Variants in ADAM18 observed in about 807,000 individuals in gnomAD.
ADAM18 encodes disintegrin and metalloproteinase domain-containing protein 18.
In ADAM18, 117 loss-of-function variants were observed where a neutral mutation model predicts 94.4. The observed-to-expected ratio is 1.24, with a 90% CI of 1.07 to 1.45. The LOEUF (loss-of-function observed/expected upper bound fraction) is 1.45. Ranked by LOEUF, ADAM18 falls within the 40% of genes most tolerant of loss-of-function variation. ADAM18 has a pLI of 0.00. For missense variants in ADAM18, 936 were observed against 880.0 expected (o/e 1.06, Z -0.81); for synonymous variants, 327 against 291.6 (o/e 1.12, Z -1.24).
intron 16 of ADAM18, among the ~76,000 whole-genome samples, chr8:39,687,943 T>C (rs1457932180): frequency 1.3e-5 from 2 of 152,222 alleles, no homozygotes; most frequent in Non-Finnish European, 2.9e-5. Context: ...TGAATACATG[T>C]GTCTTTTTGG....
chr8:39,622,607 CTA>C (rs1819645956), intron 6 of ADAM18, among the ~76,000 whole-genome samples: 1 of 151,792 alleles, frequency 6.6e-6, no homozygotes, highest in Non-Finnish European at 1.5e-5. Context: ...AGAAAAACAT[CTA>C]GTTTTGTCAA....
chr8:39,638,409 A>G (rs769795511), intron 9 of ADAM18, 56 bp from the exon 10 acceptor site: 16 of 1,228,888 alleles, frequency 1.3e-5, no homozygotes, highest in East Asian at 7.7e-5. Flanking sequence ...AATTTAATAC[A>G]TAAGCTTACA....
chr8:39,667,317 G>T (rs1156300303), intron 13 of ADAM18, among the ~76,000 whole-genome samples: 1 of 150,548 alleles, frequency 6.6e-6, no homozygotes, highest in Non-Finnish European at 1.5e-5. Context: ...CAGGAGAATT[G>T]CTTGAACCTG....
intron 17 of ADAM18, among the ~76,000 whole-genome samples, chr8:39,693,741 G>C (rs534766320): frequency 6.6e-6 from 1 of 150,510 alleles, no homozygotes; most frequent in African/African-American, 2.4e-5. Flanking sequence ...AAATACATAA[G>C]GTAAAACTTC....
intron 12 of ADAM18, among the ~76,000 whole-genome samples, chr8:39,659,740 A>G (rs774938703): frequency 1.3e-5 from 2 of 152,158 alleles, no homozygotes; most frequent in Non-Finnish European, 2.9e-5. Flanking sequence ...TCTAATAGCA[A>G]GGGAACTTCA....
At chr8:39,645,113 G>T (rs533327637) in intron 10 of ADAM18, among the ~76,000 whole-genome samples, 4 of 152,164 alleles carry the variant, frequency 2.6e-5, no homozygotes, top group East Asian at 1.9e-4. Context: ...GAATTTTGGC[G>T]TGCAAAATTT....
At chr8:39,603,747 T>C (rs190382104) in intron 2 of ADAM18, among the ~76,000 whole-genome samples, 70 of 152,330 alleles carry the variant, frequency 4.6e-4, no homozygotes, top group African/African-American at 1.5e-3. Context: ...TACTTATGTG[T>C]TCAATTTTGA....
At chr8:39,694,288 T>A (rs1378897454) in intron 17 of ADAM18, among the ~76,000 whole-genome samples, 2 of 151,408 alleles carry the variant, frequency 1.3e-5, no homozygotes, top group Non-Finnish European at 3.0e-5. Flanking sequence ...TTTTCTATTA[T>A]GAATAAGTGT....
chr8:39,656,442 T>C (rs989029079), intron 12 of ADAM18, among the ~76,000 whole-genome samples: 1 of 152,106 alleles, frequency 6.6e-6, no homozygotes, highest in Non-Finnish European at 1.5e-5. Context: ...TAAGAAATAG[T>C]CTTTACCTAT....
chr8:39,602,936 G>A (rs1036386297), intron 2 of ADAM18, among the ~76,000 whole-genome samples: 7 of 152,068 alleles, frequency 4.6e-5, no homozygotes, highest in African/African-American at 1.4e-4. Flanking sequence ...GTGGTTTTGT[G>A]TATTACCTTT....
intron 17 of ADAM18, among the ~76,000 whole-genome samples, chr8:39,701,912 A>G (rs1246564046): frequency 6.6e-6 from 1 of 152,058 alleles, no homozygotes; most frequent in Non-Finnish European, 1.5e-5. Flanking sequence ...GGTTGATTCC[A>G]TGTATTTGCT....
At chr8:39,699,215 T>C (rs1419907907) in intron 17 of ADAM18, among the ~76,000 whole-genome samples, 2 of 152,064 alleles carry the variant, frequency 1.3e-5, no homozygotes, top group South Asian at 2.1e-4. Context: ...GTCTCACTTG[T>C]TTTTTATGGT....
At chr8:39,672,022 TAGAAGACAGTAA>T (rs2129580325) in intron 14 of ADAM18, among the ~76,000 whole-genome samples, 1 of 152,146 alleles carries the variant, frequency 6.6e-6, no homozygotes, top group East Asian at 1.9e-4. Context: ...GCATGGATCC[TAGAAGACAGTAA>T]AATCTTTCTA....
At chr8:39,610,489 GA>G in intron 5 of ADAM18, 39 bp from the exon 6 acceptor site, 4 of 1,547,190 alleles carry the variant, frequency 2.6e-6, no homozygotes, top group Non-Finnish European at 3.5e-6. Context: ...TCATTTGTGA[GA>G]TTTTTATAAC....
chr8:39,635,805 G>C (rs189386277), intron 7 of ADAM18, among the ~76,000 whole-genome samples: 1 of 152,012 alleles, frequency 6.6e-6, no homozygotes, highest in Non-Finnish European at 1.5e-5. Flanking sequence ...GAGTTTTCTC[G>C]TGGTTACATT....
At chr8:39,668,479 G>A (rs1054594786) in intron 14 of ADAM18, among the ~76,000 whole-genome samples, 1 of 152,052 alleles carries the variant, frequency 6.6e-6, no homozygotes, top group South Asian at 2.1e-4. Context: ...AAAATCAGTA[G>A]ATTCTAAAAT....
At chr8:39,715,740 C>G (rs754042834) in intron 18 of ADAM18, among the ~76,000 whole-genome samples, 4 of 151,852 alleles carry the variant, frequency 2.6e-5, no homozygotes, top group Admixed American at 6.6e-5. Flanking sequence ...AAAACTCACA[C>G]AAGATGAAAC....
rs765835846 is a variant in ADAM18 at position 39,585,311 on chromosome 8, C to T, written c.91C>T (p.Arg31Trp). The T allele has an allele frequency of 8.7e-6, 14 of 1,612,862 alleles. No homozygotes were observed. Among genetic ancestry groups the T allele is most frequent in the Middle Eastern group, 1.6e-4 (1 of 6,084 alleles). The part of the protein sequence containing the change: ...EGIFLHVTVP[R>W]KIKSNDSEVS... The stretch of plus-strand genomic sequence containing the variant: ...AATATTTCTGCATGTCACAGTTCCA[C>T]GGAAGATTAAGTCAAATGACAGTGA... The change falls in exon 2 of 20, where the codon CGG becomes TGG. Residue 31 changes from arginine (R) to tryptophan (W), a missense_variant. Physicochemically the swap from Arg to Trp is moderately radical, Grantham distance 101. Coordinates refer to ENST00000265707, the MANE Select transcript of ADAM18 (RefSeq NM_014237.3).
rs138062668 is a variant in ADAM18 at position 39,594,724 on chromosome 8, C to T, written c.132+9372C>T. Among the ~76,000 whole-genome samples, 1,173 of 133,286 alleles carry T rather than the reference C, an allele frequency of 8.8e-3. 9 individuals are homozygous for T. The highest frequency in any genetic ancestry group is 0.012 in the Non-Finnish European group (739 of 62,078). The allele number at this position is 133,286 out of a possible 152,430, so 87.4% of individuals were successfully genotyped here. A position where few individuals can be genotyped will look rare whatever the true frequency, so the allele number is the denominator to read the frequency against. ...CTAATGGGTAAGTTGTCATTTCTTTCATTACTTTCAAGATTTTAAAAATTT... is the reference window on the plus strand; with the variant it reads ...CTAATGGGTAAGTTGTCATTTCTTTTATTACTTTCAAGATTTTAAAAATTT... On this transcript the variant is annotated intron_variant, in intron 2 of 19. Coordinates refer to ENST00000265707, the MANE Select transcript of ADAM18 (RefSeq NM_014237.3).
Sources: allele counts gnomAD v4.1 joint callset (sites outside exome capture counted in the v4.1 genomes callset), GRCh38; gene constraint gnomAD v4.1.1; transcripts MANE v1.5; gene names NCBI Gene and HGNC (gene_info 2026-07-23, HGNC 2026-07-21).